The following ATRNL1 variants were observed in gnomAD, a reference collection of about 807,000 sequenced individuals.
ATRNL1 encodes the protein attractin-like protein 1.
A neutral mutation model predicts 182.7 loss-of-function variants in ATRNL1; 95 were observed. The observed-to-expected ratio is 0.52, with a 90% CI of 0.44 to 0.62. ATRNL1 has a LOEUF of 0.62. Among genes scored for constraint, ATRNL1 ranks in the 20% least tolerant of loss-of-function variants. The pLI is 0.00. For synonymous variants in ATRNL1, 576 were observed against 568.3 expected, an observed-to-expected ratio of 1.01 and a Z score of -0.19; for missense variants, 1,471 against 1,679.5, an observed-to-expected ratio of 0.88 and a Z score of 2.17.
intron 1 of ATRNL1, among the ~76,000 whole-genome samples, chr10:115,106,609 A>G (rs1416220240): frequency 6.6e-6 from 1 of 152,192 alleles, no homozygotes; most frequent in African/African-American, 2.4e-5. Context: ...CATGGGGGCC[A>G]GTCTTTCCCG....
intron 26 of ATRNL1, among the ~76,000 whole-genome samples, chr10:115,641,912 G>A (rs1426438824): frequency 6.6e-6 from 1 of 151,476 alleles, no homozygotes; most frequent in Non-Finnish European, 1.5e-5. Context: ...TGATTTCATC[G>A]TGATTATTAT....
chr10:115,588,287 G>A (rs913403784), intron 26 of ATRNL1, among the ~76,000 whole-genome samples: 3 of 152,216 alleles, frequency 2.0e-5, no homozygotes, highest in East Asian at 1.9e-4. Context: ...ACATAAATGA[G>A]CCTCTTTTGC....
chr10:115,321,031 G>C (rs1554931308), intron 18 of ATRNL1, among the ~76,000 whole-genome samples: 1 of 152,094 alleles, frequency 6.6e-6, no homozygotes, highest in African/African-American at 2.4e-5. Context: ...TTTTGAGTTT[G>C]AGTTTCAGTT....
intron 26 of ATRNL1, among the ~76,000 whole-genome samples, chr10:115,566,457 A>C (rs1394056441): frequency 6.6e-6 from 1 of 152,150 alleles, no homozygotes; most frequent in Non-Finnish European, 1.5e-5. Context: ...ACCTTTGGCT[A>C]TTCTTTTATC....
chr10:115,876,783 G>C (rs932673432), intron 28 of ATRNL1, among the ~76,000 whole-genome samples: 1 of 152,134 alleles, frequency 6.6e-6, no homozygotes, highest in Non-Finnish European at 1.5e-5. Flanking sequence ...TAAGTTGTTA[G>C]TAAACTAAAT....
chr10:115,932,253 T>G (rs1555121825), intron 28 of ATRNL1, among the ~76,000 whole-genome samples: 1 of 152,226 alleles, frequency 6.6e-6, no homozygotes, highest in Non-Finnish European at 1.5e-5. Context: ...AGTCCCTGTT[T>G]TGAATTACTG....
At chr10:115,274,117 T>A (rs1455199269) in intron 13 of ATRNL1, among the ~76,000 whole-genome samples, 3 of 152,208 alleles carry the variant, frequency 2.0e-5, no homozygotes, top group Non-Finnish European at 4.4e-5. Flanking sequence ...ATTATTTGCC[T>A]ATAGGGGCCT....
chr10:115,149,354 G>T (rs1846112789), intron 5 of ATRNL1, among the ~76,000 whole-genome samples: 1 of 152,042 alleles, frequency 6.6e-6, no homozygotes, highest in South Asian at 2.1e-4. Flanking sequence ...TGTTAGAAAA[G>T]AAATGATTTT....
chr10:115,812,827 T>A (rs1950078016), intron 27 of ATRNL1, among the ~76,000 whole-genome samples: 1 of 152,104 alleles, frequency 6.6e-6, no homozygotes, highest in Non-Finnish European at 1.5e-5. Flanking sequence ...ATCCTTCAGA[T>A]CTCAGTAAAA....
intron 27 of ATRNL1, among the ~76,000 whole-genome samples, chr10:115,731,897 T>C (rs368292461): frequency 8.7e-5 from 13 of 149,272 alleles, no homozygotes; most frequent in African/African-American, 2.7e-4. Flanking sequence ...GGACATTTCA[T>C]ACAAATAAAA....
At chr10:115,297,048 T>A (rs1446914066) in intron 15 of ATRNL1, among the ~76,000 whole-genome samples, 3 of 152,044 alleles carry the variant, frequency 2.0e-5, no homozygotes, top group Non-Finnish European at 4.4e-5. Context: ...CCTAGAGGAG[T>A]GCCCTAGCTA....
At chr10:115,343,038 A>G (rs1202963386) in intron 19 of ATRNL1, among the ~76,000 whole-genome samples, 1 of 152,122 alleles carries the variant, frequency 6.6e-6, no homozygotes, top group Admixed American at 6.6e-5. Context: ...TGCTGCTTTT[A>G]GGATCCTTTC....
intron 26 of ATRNL1, among the ~76,000 whole-genome samples, chr10:115,687,482 T>G (rs1166536410): frequency 1.3e-5 from 2 of 152,114 alleles, no homozygotes; most frequent in Non-Finnish European, 2.9e-5. Flanking sequence ...TTCCATTGTA[T>G]GTATATACCA....
At chr10:115,606,038 A>G (rs1383330647) in intron 26 of ATRNL1, among the ~76,000 whole-genome samples, 1 of 151,688 alleles carries the variant, frequency 6.6e-6, no homozygotes, top group Non-Finnish European at 1.5e-5. Flanking sequence ...GGATATTTTT[A>G]TCTGAGTTTA....
At chr10:115,293,965 T>C (rs1224000099) in intron 15 of ATRNL1, among the ~76,000 whole-genome samples, 1 of 152,234 alleles carries the variant, frequency 6.6e-6, no homozygotes, top group African/African-American at 2.4e-5. Flanking sequence ...ATCTATTTGG[T>C]GTTCTCTAAG....
chr10:115,899,508 A>T (rs1952297786), intron 28 of ATRNL1, among the ~76,000 whole-genome samples: 1 of 152,044 alleles, frequency 6.6e-6, no homozygotes, highest in African/African-American at 2.4e-5. Context: ...GGGTTCCTCC[A>T]TGTTGGCCAG....
At chr10:115,845,940 T>A (rs953555187) in intron 27 of ATRNL1, among the ~76,000 whole-genome samples, 16 of 152,192 alleles carry the variant, frequency 1.1e-4, no homozygotes, top group African/African-American at 3.4e-4. Flanking sequence ...AAATAACTTT[T>A]AGTAGCCTGT....
chr10:115,703,812 T>C (rs1235178837), intron 26 of ATRNL1, among the ~76,000 whole-genome samples: 2 of 151,806 alleles, frequency 1.3e-5, no homozygotes, highest in African/African-American at 4.8e-5. Context: ...TTTCCAAATA[T>C]CAAAATTTAC....
chr10:115,335,571 A>G (rs955697562), intron 19 of ATRNL1, among the ~76,000 whole-genome samples: 2 of 152,228 alleles, frequency 1.3e-5, no homozygotes, highest in African/African-American at 4.8e-5. Context: ...CATTTGAGTC[A>G]ACAAAATTGT....
Sources: gnomAD v4.1 joint callset for allele counts (sites outside exome capture counted in the v4.1 genomes callset) on GRCh38, gnomAD v4.1.1 for gene constraint, MANE v1.5 for transcripts, NCBI Gene and HGNC (gene_info 2026-07-23, HGNC 2026-07-21) for gene names.